Variants in CWC27 observed in about 807,000 individuals in gnomAD.
The protein encoded by CWC27 is CWC27 spliceosome associated cyclophilin.
Under a neutral mutation model 63.6 loss-of-function variants are expected in CWC27, and 47 were observed. The ratio of observed to expected loss-of-function variants is 0.74; its 90% confidence interval spans 0.58 to 0.94. The LOEUF (loss-of-function observed/expected upper bound fraction) is 0.94. Among genes scored for constraint, CWC27 ranks in the 40% least tolerant of loss-of-function variants. The pLI, the probability that CWC27 is intolerant of heterozygous loss-of-function variation, is 0.00. For synonymous variants in CWC27, 175 were observed against 179.8 expected (o/e 0.97, Z 0.22); for missense variants, 495 against 554.3 (o/e 0.89, Z 1.07).
intron 10 of CWC27, 150 bp downstream of exon 10, chr5:64,804,536 GGCCTA>G: frequency 1.4e-6 from 1 of 707,606 alleles, no homozygotes; most frequent in Non-Finnish European, 2.2e-6. Context: ...CCCATTAGCA[GGCCTA>G]AAATAAAATA....
intron 5 of CWC27, among the ~76,000 whole-genome samples, chr5:64,785,947 G>T (rs1004301049): frequency 6.6e-6 from 1 of 151,934 alleles, no homozygotes; most frequent in Non-Finnish European, 1.5e-5. Context: ...GGTGGATCAT[G>T]AGGTCAGGAG....
intron 10 of CWC27, among the ~76,000 whole-genome samples, chr5:64,809,391 G>A (rs527420529): frequency 6.6e-6 from 1 of 152,048 alleles, no homozygotes; most frequent in South Asian, 2.1e-4. Context: ...TTTTTGAGAC[G>A]CAGTCTCGCT....
At chr5:64,952,947 G>A (rs73109569) in intron 11 of CWC27, among the ~76,000 whole-genome samples, 9,855 of 152,108 alleles carry the variant, frequency 0.065, 802 homozygotes, top group African/African-American at 0.19. Flanking sequence ...TCAAAAATAC[G>A]TTTTTTGTAC....
intron 10 of CWC27, among the ~76,000 whole-genome samples, chr5:64,819,982 CTAAA>C (rs2112244215): frequency 6.6e-6 from 1 of 152,266 alleles, no homozygotes; most frequent in South Asian, 2.1e-4. Flanking sequence ...AAAACCCCTA[CTAAA>C]TAATTTTCAT....
chr5:64,920,939 T>C (rs1747984368), intron 11 of CWC27, among the ~76,000 whole-genome samples: 1 of 152,172 alleles, frequency 6.6e-6, no homozygotes, highest in Non-Finnish European at 1.5e-5. Flanking sequence ...TATGGATTTT[T>C]GCACCTTGAT....
intron 10 of CWC27, among the ~76,000 whole-genome samples, chr5:64,867,523 C>T (rs1746558602): frequency 6.6e-6 from 1 of 152,088 alleles, no homozygotes; most frequent in African/African-American, 2.4e-5. Flanking sequence ...CAATCAGAAT[C>T]TGAACCATGC....
chr5:64,840,385 AAAAAAAAAAATATATATAT>A (rs1745785246), intron 10 of CWC27, among the ~76,000 whole-genome samples: 2 of 69,496 alleles, frequency 2.9e-5, no homozygotes, highest in Non-Finnish European at 2.7e-5. Context: ...AAAAAAAAAA[AAAAAAAAAAATATATATAT>A]ATATATATAT....
intron 10 of CWC27, among the ~76,000 whole-genome samples, chr5:64,840,291 C>T (rs1224151149): frequency 1.4e-5 from 2 of 143,484 alleles, no homozygotes; most frequent in African/African-American, 2.6e-5. Context: ...TTCCCAAGGA[C>T]TGAGCAGAAG....
In CWC27 at chr5:64,861,178, G is replaced by T. The variant is rs191884596; in HGVS notation, c.939-24265G>T. ...CTACCTTTGGTTTTTTCACAACATG[G>T]TGGTCTCGGTTTCTAAGAAGACATA... On this transcript the variant is annotated intron_variant, in intron 10 of 13. Transcript: ENST00000381070. Among the ~76,000 whole-genome samples the T allele has an allele frequency of 8.9e-4, 136 of 152,124 alleles. 2 individuals carry two copies. Among genetic ancestry groups the T allele is most frequent in the African/African-American group, 3.1e-3 (128 of 41,480 alleles).
At chr5:64,828,154 C>T (rs187891686) in intron 10 of CWC27, among the ~76,000 whole-genome samples, 12 of 152,102 alleles carry the variant, frequency 7.9e-5, no homozygotes, top group Admixed American at 5.9e-4. Context: ...TTTCTGAATG[C>T]GTTCATTTTA....
At chr5:64,863,006 C>G (rs1328278587) in intron 10 of CWC27, among the ~76,000 whole-genome samples, 1 of 152,056 alleles carries the variant, frequency 6.6e-6, no homozygotes, top group Non-Finnish European at 1.5e-5. Flanking sequence ...TCCAAAGTCC[C>G]CACCTCCAAA....
intron 13 of CWC27, among the ~76,000 whole-genome samples, chr5:65,006,132 A>G (rs1749837110): frequency 6.6e-6 from 1 of 152,196 alleles, no homozygotes; most frequent in African/African-American, 2.4e-5. Flanking sequence ...ATAGTCAACA[A>G]TTATCCAGAC....
At chr5:64,847,269 T>G (rs1746006572) in intron 10 of CWC27, among the ~76,000 whole-genome samples, 1 of 151,982 alleles carries the variant, frequency 6.6e-6, no homozygotes, top group Admixed American at 6.6e-5. Context: ...TGATTTTAAG[T>G]CAAAACCCAT....
At chr5:64,840,385 AAAAAAAAAAATATATATATATAT>A (rs1199486830) in intron 10 of CWC27, among the ~76,000 whole-genome samples, 29 of 69,452 alleles carry the variant, frequency 4.2e-4, no homozygotes, top group African/African-American at 1.7e-3. Context: ...AAAAAAAAAA[AAAAAAAAAAATATATATATATAT>A]ATATATATAT....
At chr5:64,815,040 T>C (rs1267705772) in intron 10 of CWC27, among the ~76,000 whole-genome samples, 1 of 152,080 alleles carries the variant, frequency 6.6e-6, no homozygotes, top group Non-Finnish European at 1.5e-5. Context: ...GGCTAAGAAG[T>C]AGTAGTAATA....
intron 10 of CWC27, among the ~76,000 whole-genome samples, chr5:64,841,305 A>G (rs1021173439): frequency 6.6e-6 from 1 of 152,182 alleles, no homozygotes; most frequent in African/African-American, 2.4e-5. Context: ...ACCCATAATG[A>G]TGAACCTATT....
chr5:64,886,924 A>G (rs902875473), intron 11 of CWC27, among the ~76,000 whole-genome samples: 1 of 152,132 alleles, frequency 6.6e-6, no homozygotes, highest in African/African-American at 2.4e-5. Flanking sequence ...AGGTACAGTC[A>G]GGATTATTTT....
chr5:64,795,594 A>G (rs1744238385), intron 7 of CWC27, among the ~76,000 whole-genome samples: 1 of 152,102 alleles, frequency 6.6e-6, no homozygotes, highest in Non-Finnish European at 1.5e-5. Flanking sequence ...CTTCAAAGCC[A>G]GCAATAACTG....
chr5:64,964,568 G>T (rs908167098), intron 11 of CWC27, among the ~76,000 whole-genome samples: 1 of 152,088 alleles, frequency 6.6e-6, no homozygotes, highest in African/African-American at 2.4e-5. Flanking sequence ...CTACATGCAG[G>T]CATACAGACA....
Sources: gnomAD v4.1 joint callset for allele counts (sites outside exome capture counted in the v4.1 genomes callset) on GRCh38, gnomAD v4.1.1 for gene constraint, MANE v1.5 for transcripts, NCBI Gene and HGNC (gene_info 2026-07-23, HGNC 2026-07-21) for gene names.